Variants in CUL3 observed in about 807,000 individuals in gnomAD.
CUL3 encodes cullin-3.
In CUL3, 19 loss-of-function variants were observed where a neutral mutation model predicts 89.1. The ratio of observed to expected loss-of-function variants is 0.21; its 90% CI spans 0.15 to 0.31. The LOEUF (loss-of-function observed/expected upper bound fraction) is 0.31. Among genes scored for constraint, CUL3 ranks in the 10% least tolerant of loss-of-function variants. CUL3 has a pLI of 1.00. For synonymous variants in CUL3, 351 were observed against 308.4 expected (o/e 1.14, Z -1.45); for missense variants, 469 against 942.3 (o/e 0.50, Z 6.58).
chr2:224,578,857 T>TA (rs985646402), intron 1 of CUL3, among the ~76,000 whole-genome samples: 3 of 151,884 alleles, frequency 2.0e-5, no homozygotes, highest in Admixed American at 1.3e-4. Context: ...ATGTATAATA[T>TA]AAAAAAAAGG....
chr2:224,565,944 T>C (rs1379743609), intron 1 of CUL3, among the ~76,000 whole-genome samples: 1 of 152,202 alleles, frequency 6.6e-6, no homozygotes, highest in Non-Finnish European at 1.5e-5. Flanking sequence ...GCATCTTCAA[T>C]GGTGTAACCC....
chr2:224,571,739 A>G (rs576227734), intron 1 of CUL3, among the ~76,000 whole-genome samples: 20 of 152,362 alleles, frequency 1.3e-4, no homozygotes, highest in African/African-American at 4.6e-4. Flanking sequence ...TACCATTCAT[A>G]AAGAAAAATC....
intron 10 of CUL3, among the ~76,000 whole-genome samples, chr2:224,502,469 T>A (rs960929708): frequency 6.6e-6 from 1 of 152,184 alleles, no homozygotes; most frequent in Non-Finnish European, 1.5e-5. Flanking sequence ...TACATTAATT[T>A]CTGTGTTTTT....
At chr2:224,503,938 T>A in intron 8 of CUL3, 116 bp from the exon 9 acceptor site, 2 of 757,898 alleles carry the variant, frequency 2.6e-6, no homozygotes, top group African/African-American at 1.8e-5. Context: ...CTGGTTGACA[T>A]ACATCAAAAA....
intron 3 of CUL3, among the ~76,000 whole-genome samples, chr2:224,525,235 T>C (rs902792331): frequency 1.3e-5 from 2 of 152,226 alleles, no homozygotes; most frequent in African/African-American, 4.8e-5. Flanking sequence ...AGGTGATTGA[T>C]AGAGCACAGT....
chr2:224,536,090 G>A (rs755058445), intron 2 of CUL3, among the ~76,000 whole-genome samples: 1 of 152,184 alleles, frequency 6.6e-6, no homozygotes, highest in African/African-American at 2.4e-5. Flanking sequence ...TGGGTGACCT[G>A]GGATAAATAT....
chr2:224,527,518 T>C (rs1693523945), intron 3 of CUL3, among the ~76,000 whole-genome samples: 1 of 152,136 alleles, frequency 6.6e-6, no homozygotes, highest in African/African-American at 2.4e-5. Context: ...TGAGCAACAT[T>C]TGCACTACAA....
intron 11 of CUL3, 107 bp from the exon 12 acceptor site, chr2:224,497,956 G>A: frequency 2.5e-6 from 2 of 785,490 alleles, no homozygotes; most frequent in Non-Finnish European, 4.2e-6. Context: ...GTGTGTGTGT[G>A]TATGGACTTT....
At chr2:224,582,738 A>T (rs1695470125) in intron 1 of CUL3, among the ~76,000 whole-genome samples, 1 of 152,214 alleles carries the variant, frequency 6.6e-6, no homozygotes. Context: ...TAAAGGAATA[A>T]TGAAATTCTC....
intron 1 of CUL3, chr2:224,569,734 C>A: frequency 2.5e-6 from 3 of 1,216,764 alleles, no homozygotes; most frequent in Non-Finnish European, 3.2e-6. Context: ...CATCATGAGA[C>A]AAATTAAAAC....
At chr2:224,514,290 A>G (rs770188401) in intron 4 of CUL3, among the ~76,000 whole-genome samples, 1 of 152,178 alleles carries the variant, frequency 6.6e-6, no homozygotes, top group Non-Finnish European at 1.5e-5. Flanking sequence ...AAAGCCCTTA[A>G]AGAAAAAAAA....
At chr2:224,566,503 T>A (rs1362246592) in intron 1 of CUL3, among the ~76,000 whole-genome samples, 2 of 152,210 alleles carry the variant, frequency 1.3e-5, no homozygotes, top group Non-Finnish European at 2.9e-5. Context: ...GGCACTTTTT[T>A]CCAGAATAGG....
intron 13 of CUL3, among the ~76,000 whole-genome samples, chr2:224,487,001 CAT>C (rs1485003065): frequency 6.6e-6 from 1 of 152,128 alleles, no homozygotes; most frequent in Non-Finnish European, 1.5e-5. Context: ...CCCAGAATAT[CAT>C]ATCCAGCCAA....
At chr2:224,486,808 C>A (rs1175456803) in intron 13 of CUL3, among the ~76,000 whole-genome samples, 1 of 152,072 alleles carries the variant, frequency 6.6e-6, no homozygotes, top group Non-Finnish European at 1.5e-5. Flanking sequence ...CCCCAAGACA[C>A]ATAATCATCA....
chr2:224,557,897 A>G lies in CUL3; in HGVS notation c.67-41T>C. 1.7e-6 allele frequency: 2 copies of G among 1,148,616 alleles called. 1 individual carries two copies. Among genetic ancestry groups the G allele is most frequent in the South Asian group, 2.9e-5 (2 of 69,676 alleles). The allele number at this position is 1,148,616 out of a possible 1,614,324, so 71.2% of individuals were successfully genotyped here. A position where few individuals can be genotyped will look rare whatever the true frequency, so the allele number is the denominator to read the frequency against. On this transcript the variant is annotated intron_variant, in intron 1 of 15. Transcript: ENST00000264414. The stretch of plus-strand genomic sequence containing the variant: ...GAGAGAAGAGACAAAAAAAAAAAAA[A>G]AAAAAAAACCAATGGTTGAAAGTCT...
intron 13 of CUL3, among the ~76,000 whole-genome samples, chr2:224,486,715 C>T (rs754322061): frequency 6.6e-6 from 1 of 152,082 alleles, no homozygotes; most frequent in Non-Finnish European, 1.5e-5. Context: ...ACCAGGAGAA[C>T]TTCCCCAACC....
chr2:224,551,743 G>A (rs1034327795), intron 2 of CUL3, among the ~76,000 whole-genome samples: 2 of 152,096 alleles, frequency 1.3e-5, no homozygotes, highest in African/African-American at 4.8e-5. Flanking sequence ...AGACTCTGAG[G>A]AGCTGTGCCT....
intron 2 of CUL3, among the ~76,000 whole-genome samples, chr2:224,553,100 A>G (rs1045703473): frequency 6.6e-6 from 1 of 152,238 alleles, no homozygotes; most frequent in Non-Finnish European, 1.5e-5. Flanking sequence ...CAGAGGTCCT[A>G]CCTTAGGAAA....
chr2:224,560,174 A>C (rs1021446277), intron 1 of CUL3, among the ~76,000 whole-genome samples: 1 of 152,072 alleles, frequency 6.6e-6, no homozygotes, highest in East Asian at 1.9e-4. Flanking sequence ...TCTCCTATTC[A>C]TCTGTTTTAC....
Sources: allele counts gnomAD v4.1 joint callset (sites outside exome capture counted in the v4.1 genomes callset), GRCh38; gene constraint gnomAD v4.1.1; transcripts MANE v1.5; gene names NCBI Gene and HGNC (gene_info 2026-07-23, HGNC 2026-07-21).